BTF3L4: variants seen among roughly 807,000 people sequenced by gnomAD.
The protein encoded by BTF3L4 is transcription factor BTF3 homolog 4.
Under a neutral mutation model 16.8 loss-of-function variants are expected in BTF3L4, and 6 were observed. The ratio of observed to expected loss-of-function variants is 0.36; its 90% CI spans 0.20 to 0.71. The LOEUF is 0.71. Ranked by LOEUF, BTF3L4 falls within the 30% of genes least tolerant of loss-of-function variation. The pLI is 0.58. For synonymous variants in BTF3L4, 39 were observed against 59.8 expected, an observed-to-expected ratio of 0.65 and a Z score of 1.60; for missense variants, 92 against 186.9, an observed-to-expected ratio of 0.49 and a Z score of 2.96.
intron 3 of BTF3L4, among the ~76,000 whole-genome samples, chr1:52,071,681 T>C (rs532816157): frequency 6.6e-6 from 1 of 152,344 alleles, no homozygotes; most frequent in Admixed American, 6.5e-5. Flanking sequence ...GTTTTACTTT[T>C]TACATTTTCC....
chr1:52,065,322 A>G (rs546309586), intron 3 of BTF3L4: 1 of 154,968 alleles, frequency 6.5e-6, no homozygotes, highest in South Asian at 1.9e-4. Context: ...CTGGAATGCA[A>G]TGGCACGATC....
intron 3 of BTF3L4, among the ~76,000 whole-genome samples, chr1:52,072,782 T>G (rs537172352): frequency 2.6e-5 from 4 of 152,232 alleles, no homozygotes; most frequent in Admixed American, 6.6e-5. Context: ...TATTGCCGGA[T>G]GAGTGCAGTG....
intron 3 of BTF3L4, 139 bp downstream of exon 3, chr1:52,065,077 A>G (rs1359650589): frequency 6.9e-6 from 3 of 433,512 alleles, no homozygotes; most frequent in Non-Finnish European, 1.2e-5. Context: ...TGGCACTTTG[A>G]TTTTTGTATG....
chr1:52,083,837 T>C (rs1643945500), intron 4 of BTF3L4, among the ~76,000 whole-genome samples: 1 of 151,948 alleles, frequency 6.6e-6, no homozygotes, highest in Non-Finnish European at 1.5e-5. Flanking sequence ...CTGACCGACA[T>C]GGTGAAACCT....
chr1:52,064,774 GC>G (rs779316836), intron 2 of BTF3L4, 50 bp from the exon 3 acceptor site: 37 of 1,099,902 alleles, frequency 3.4e-5, no homozygotes, highest in African/African-American at 4.7e-5. Context: ...GATTGCAGTT[GC>G]CAGATGCCAG....
chr1:52,067,321 T>G (rs1686679320), intron 3 of BTF3L4, among the ~76,000 whole-genome samples: 1 of 152,252 alleles, frequency 6.6e-6, no homozygotes, highest in African/African-American at 2.4e-5. Context: ...CCACCTTGCA[T>G]ATATAAATGA....
intron 1 of BTF3L4, among the ~76,000 whole-genome samples, chr1:52,058,009 G>A (rs1686417055): frequency 6.6e-6 from 1 of 152,156 alleles, no homozygotes; most frequent in Admixed American, 6.5e-5. Flanking sequence ...AAGTATCTAG[G>A]TCTAATGTTT....
intron 3 of BTF3L4, among the ~76,000 whole-genome samples, chr1:52,079,153 A>G (rs1687003182): frequency 6.6e-6 from 1 of 152,216 alleles, no homozygotes. Flanking sequence ...TTGATAGTTT[A>G]TAATAGCTCG....
chr1:52,086,319 C>T, intron 5 of BTF3L4, 148 bp downstream of exon 5: 1 of 549,912 alleles, frequency 1.8e-6, no homozygotes, highest in Non-Finnish European at 3.1e-6. Context: ...TAATGAAAAA[C>T]AACGTAAGCA....
chr1:52,058,910 TTTTC>T (rs1180475292), intron 1 of BTF3L4, among the ~76,000 whole-genome samples: 1 of 152,246 alleles, frequency 6.6e-6, no homozygotes, highest in Admixed American at 6.5e-5. Flanking sequence ...TGAATTTGGC[TTTTC>T]TTTGTTTATG....
chr1:52,057,253 ATC>A (rs1189792768), intron 1 of BTF3L4, among the ~76,000 whole-genome samples: 1 of 152,224 alleles, frequency 6.6e-6, no homozygotes, highest in Non-Finnish European at 1.5e-5. Context: ...AATTATTTTT[ATC>A]TCTGTGTAAA....
At chr1:52,065,309 T>A in intron 3 of BTF3L4, 2 of 154,178 alleles carry the variant, frequency 1.3e-5, no homozygotes, top group Non-Finnish European at 2.8e-5. Context: ...TCTGTCACCC[T>A]AGCTGGAATG....
At chr1:52,079,756 T>G (rs1264139081) in intron 3 of BTF3L4, among the ~76,000 whole-genome samples, 1 of 152,186 alleles carries the variant, frequency 6.6e-6, no homozygotes, top group Admixed American at 6.6e-5. Context: ...AGATACATTT[T>G]ATCTATATAC....
In BTF3L4 at chr1:52,090,090, C is replaced by T. The variant is rs1472405286; in HGVS notation, c.*3332C>T. 1.3e-5 allele frequency: 2 copies of T among 152,136 alleles called. No homozygotes were observed. Among genetic ancestry groups the T allele is most frequent in the African/African-American group, 4.8e-5 (2 of 41,424 alleles). The allele number at this position is 152,136 out of a possible 1,614,324, so 9.4% of individuals were successfully genotyped here. A position where few individuals can be genotyped will look rare whatever the true frequency, so the allele number is the denominator to read the frequency against. On this transcript the variant is annotated 3_prime_UTR_variant, in exon 6 of 6. Coordinates refer to ENST00000313334, the MANE Select transcript of BTF3L4 (RefSeq NM_152265.5). ...TACCCTTACATTGTAACCTTTCTGA[C>T]AGGGCTGCTGCGGTGCACAACTTCG... is the stretch of plus-strand genomic sequence containing the variant.
chr1:52,065,117 T>C lies in BTF3L4; in HGVS notation c.168+179T>C, dbSNP rs182281051. On this transcript the variant is annotated intron_variant, in intron 3 of 5. Transcript: ENST00000313334. ...TAAATGATGGTCAAAAAAATAATTTTAGTAGACAGTTAAGGATTTTCATCA... is the reference window on the plus strand; with the variant it reads ...TAAATGATGGTCAAAAAAATAATTTCAGTAGACAGTTAAGGATTTTCATCA... 24 of 403,962 alleles carry C rather than the reference T, an allele frequency of 5.9e-5. No individual in the cohort carries two copies. The Admixed American group carries it at 9.8e-4, about 17-fold the overall frequency. The allele number at this position is 403,962 out of a possible 1,614,324, so 25.0% of individuals were successfully genotyped here.
At chr1:52,076,548 C>G (rs577360666) in intron 3 of BTF3L4, among the ~76,000 whole-genome samples, 1 of 135,934 alleles carries the variant, frequency 7.4e-6, no homozygotes. Flanking sequence ...GAGCCGAGAT[C>G]GCACCACTGC....
At chr1:52,058,394 A>G (rs748087989) in intron 1 of BTF3L4, among the ~76,000 whole-genome samples, 1 of 152,208 alleles carries the variant, frequency 6.6e-6, no homozygotes, top group Non-Finnish European at 1.5e-5. Context: ...AAAGTACAAA[A>G]TGGTTAGTAA....
Position 52,060,061 on chromosome 1 carries a change from C to G in BTF3L4, c.54+160C>G, listed in dbSNP as rs914444914. Among the ~76,000 whole-genome samples the G allele has an allele frequency of 6.6e-6, 1 of 152,140 alleles. No homozygotes were observed. The highest frequency in any genetic ancestry group is 1.5e-5 in the Non-Finnish European group (1 of 68,016). The stretch of plus-strand genomic sequence containing the variant: ...ACTTGTCTAGATCTAAAATAGGTAA[C>G]TAGAACACTTTTCTCTCTGATGATG... On this transcript the variant is annotated intron_variant, in intron 2 of 5. Transcript: ENST00000313334.
chr1:52,060,492 C>G (rs754523545), intron 2 of BTF3L4: 7 of 1,267,358 alleles, frequency 5.5e-6, no homozygotes, highest in Non-Finnish European at 7.2e-6. Context: ...CTTTCTTATT[C>G]CCTGTACTTT....
Sources: allele counts gnomAD v4.1 joint callset (sites outside exome capture counted in the v4.1 genomes callset), GRCh38; gene constraint gnomAD v4.1.1; transcripts MANE v1.5; gene names NCBI Gene and HGNC (gene_info 2026-07-23, HGNC 2026-07-21).